GALNT7: variants seen among roughly 807,000 people sequenced by gnomAD.
GALNT7 encodes N-acetylgalactosaminyltransferase 7.
In GALNT7, 60 loss-of-function variants were observed where a neutral mutation model predicts 82.1. The observed-to-expected ratio is 0.73, with a 90% CI of 0.59 to 0.91. The LOEUF (loss-of-function observed/expected upper bound fraction) is 0.91, where lower values mean the gene tolerates loss of function less well. GALNT7 is among the 40% of genes least tolerant of loss of function. The probability of loss-of-function intolerance (pLI) is 0.00; values close to 1 mark genes in which losing one functional copy is unlikely to be tolerated. For synonymous variants in GALNT7, 243 were observed against 275.1 expected (o/e 0.88, Z 1.15); for missense variants, 660 against 804.2 (o/e 0.82, Z 2.17).
chr4:173,292,162 C>T lies in GALNT7; in HGVS notation c.642C>T (p.Val214=). Residue 214 remains valine, a synonymous_variant, in exon 3 of 12, where the codon GTC becomes GTT. Coordinates refer to ENST00000265000, the MANE Select transcript of GALNT7 (RefSeq NM_017423.3). The surrounding 1 kb of genome is among the most constrained non-coding windows in gnomAD (Gnocchi z 4.8). Reference sequence around the variant, plus strand: ...TGCTCACTTCGAGCGTTGTCATTGTCTTCCATAATGAAGGATGGTCAACCC... The same window carrying T: ...TGCTCACTTCGAGCGTTGTCATTGTTTTCCATAATGAAGGATGGTCAACCC... ...ENLLTSSVVI[V]FHNEGWSTLM... The T allele has an allele frequency of 3.1e-6, 5 of 1,607,976 alleles. No individual in the cohort carries two copies. Among genetic ancestry groups the T allele is most frequent in the Non-Finnish European group, 4.3e-6 (5 of 1,176,006 alleles).
rs11421248 is a variant in GALNT7, at chr4:173,235,556, C to CTTTTTT, written c.127-12415_127-12410dup. 8.2e-4 allele frequency among the ~76,000 whole-genome samples: 115 copies of CTTTTTT among 140,532 alleles called. No homozygotes were observed. The Middle Eastern group carries it at 0.011, about 13-fold the overall frequency. The allele number at this position is 140,532 out of a possible 152,430, so 92.2% of individuals were successfully genotyped here. On this transcript the variant is annotated intron_variant, in intron 1 of 11. Transcript: ENST00000265000. The stretch of plus-strand genomic sequence containing the variant: ...TCAAGAAAGCCTTTTCTTTTCTTTT[C>CTTTTTT]TTTTTTTTTTTTTTCTTGAGACAGA...
In GALNT7 at chr4:173,292,309, ATAAGT is replaced by A. The variant is rs780395306; in HGVS notation, c.754+40_754+44del. 2.2e-6 allele frequency: 3 copies of A among 1,344,852 alleles called. No homozygotes were observed. The highest frequency in any genetic ancestry group is 1.4e-5 in the South Asian group (1 of 73,306). The allele number at this position is 1,344,852 out of a possible 1,614,324, so 83.3% of individuals were successfully genotyped here. ...GTGAAACTCACATTTTGTCTATAAA[ATAAGT>A]TAAGCATGAATAATTGCAAAAAGGT... On this transcript the variant is annotated intron_variant, in intron 3 of 11. Coordinates refer to ENST00000265000, the MANE Select transcript of GALNT7 (RefSeq NM_017423.3). This position sits in a 1 kb window ranked among gnomAD's most constrained non-coding sequence, Gnocchi z 4.8.
At chr4:173,245,633 C>A (rs1292115539) in intron 1 of GALNT7, among the ~76,000 whole-genome samples, 1 of 152,098 alleles carries the variant, frequency 6.6e-6, no homozygotes, top group Non-Finnish European at 1.5e-5. Context: ...CAACTGGGAA[C>A]CAGTTTGTTA....
intron 1 of GALNT7, among the ~76,000 whole-genome samples, chr4:173,238,318 G>C (rs79973999): frequency 0.017 from 2,530 of 152,098 alleles, 73 homozygotes; most frequent in African/African-American, 0.056. Context: ...AATATTTTGT[G>C]TAATTTATGA....
chr4:173,281,964 A>T (rs1236615377), intron 2 of GALNT7, among the ~76,000 whole-genome samples: 1 of 152,186 alleles, frequency 6.6e-6, no homozygotes, highest in Non-Finnish European at 1.5e-5. Flanking sequence ...CATCCAAAAA[A>T]ATTAAGGAGC....
At chr4:173,247,897 A>C in intron 1 of GALNT7, 83 bp from the exon 2 acceptor site, 1 of 867,252 alleles carries the variant, frequency 1.2e-6, no homozygotes, top group Non-Finnish European at 1.8e-6. Flanking sequence ...AGCCTTTTTC[A>C]AAACCTGAAA....
intron 2 of GALNT7, among the ~76,000 whole-genome samples, chr4:173,265,220 T>C (rs1735436239): frequency 6.6e-6 from 1 of 152,290 alleles, no homozygotes; most frequent in Admixed American, 6.5e-5. Context: ...TGCTAGCATT[T>C]CCAGGATATA....
chr4:173,212,846 A>G (rs1733325969), intron 1 of GALNT7, among the ~76,000 whole-genome samples: 1 of 152,146 alleles, frequency 6.6e-6, no homozygotes, highest in African/African-American at 2.4e-5. Flanking sequence ...GACATTAAAG[A>G]GCATGATCAT....
chr4:173,298,306 T>C lies in GALNT7; in HGVS notation c.1148+9T>C. On this transcript the variant is annotated intron_variant, in intron 6 of 11. Transcript: ENST00000265000. ...AAAACTGAACCGTATCGGTAATCAC[T>C]AAATCACTTACATATTTTTCTTTTC... The C allele has an allele frequency of 6.5e-7, 1 of 1,529,344 alleles. No homozygotes were observed. Among genetic ancestry groups the C allele is most frequent in the Non-Finnish European group, 8.8e-7 (1 of 1,141,032 alleles). The allele number at this position is 1,529,344 out of a possible 1,614,324, so 94.7% of individuals were successfully genotyped here.
At position 173,302,011 on chromosome 4, in the gene GALNT7, G is replaced by C. The variant is rs1301677036; in HGVS notation, c.1149-36G>C. The C allele has an allele frequency of 1.1e-6, 1 of 951,438 alleles. No homozygotes were observed. The highest frequency in any genetic ancestry group is 1.7e-6 in the Non-Finnish European group (1 of 579,948). 58.9% of individuals were successfully genotyped at this position (951,438 alleles called of 1,614,324 possible). ...ATTGGTGAAGGGTTATTGGGGGTTT[G>C]TCTGTAATGGTTATTGCAGTGTTTC... On this transcript the variant is annotated intron_variant, in intron 6 of 11. Transcript: ENST00000265000. The surrounding 1 kb of genome is among the most constrained non-coding windows in gnomAD (Gnocchi z 4.2).
chr4:173,253,500 A>T (rs1478281563), intron 2 of GALNT7, among the ~76,000 whole-genome samples: 1 of 152,172 alleles, frequency 6.6e-6, no homozygotes, highest in Non-Finnish European at 1.5e-5. Context: ...GTTAGAGTAG[A>T]TTAGGGGGTG....
chr4:173,173,662 C>T (rs1731950172), intron 1 of GALNT7, among the ~76,000 whole-genome samples: 2 of 152,166 alleles, frequency 1.3e-5, no homozygotes, highest in Admixed American at 6.5e-5. Flanking sequence ...GTTTATGCTC[C>T]ATGACCCAGG....
intron 1 of GALNT7, among the ~76,000 whole-genome samples, chr4:173,181,754 C>T (rs186669541): frequency 9.9e-5 from 15 of 152,130 alleles, no homozygotes; most frequent in Non-Finnish European, 1.8e-4. Context: ...AAGGAACTGC[C>T]GGTATCATCC....
At chr4:173,217,604 A>T (rs1733512306) in intron 1 of GALNT7, among the ~76,000 whole-genome samples, 1 of 152,160 alleles carries the variant, frequency 6.6e-6, no homozygotes, top group South Asian at 2.1e-4. Context: ...TAATATTTCT[A>T]TTGTTTTTAA....
intron 1 of GALNT7, among the ~76,000 whole-genome samples, chr4:173,243,653 G>T (rs888033866): frequency 3.3e-5 from 5 of 152,160 alleles, no homozygotes; most frequent in Admixed American, 6.5e-5. Context: ...TTGACTTGGG[G>T]TTAGACAGAC....
intron 2 of GALNT7, among the ~76,000 whole-genome samples, chr4:173,288,453 A>C (rs958696752): frequency 6.6e-6 from 1 of 152,080 alleles, no homozygotes. Flanking sequence ...ACAAACAGCC[A>C]GCAAGACTCC....
rs11427838 is a variant in GALNT7, at chr4:173,323,127, T to TA, written c.*1423dup. ...GATTAAAATGCCTACATTGAGTGCT[T>TA]AAAAAAAAAAAAACAACTGTGATGA... is the stretch of plus-strand genomic sequence containing the variant. On this transcript the variant is annotated 3_prime_UTR_variant, in exon 12 of 12. Coordinates refer to ENST00000265000, the MANE Select transcript of GALNT7 (RefSeq NM_017423.3). 15,627 of 141,708 alleles carry TA rather than the reference T, an allele frequency of 0.11. 840 individuals are homozygous for TA. Among genetic ancestry groups the TA allele is most frequent in the African/African-American group, 0.14 (5,356 of 38,834 alleles). 8.8% of individuals were successfully genotyped at this position (141,708 alleles called of 1,614,324 possible).
chr4:173,313,885 C>CT, intron 8 of GALNT7, 73 bp from the exon 9 acceptor site: 1 of 643,286 alleles, frequency 1.6e-6, no homozygotes, highest in Non-Finnish European at 2.5e-6. Flanking sequence ...TTTCATGTGT[C>CT]TAATATAGGC....
intron 2 of GALNT7, among the ~76,000 whole-genome samples, chr4:173,252,022 G>A (rs748995415): frequency 3.3e-5 from 5 of 152,116 alleles, no homozygotes; most frequent in Admixed American, 1.3e-4. Flanking sequence ...TCAGTGTAGA[G>A]TATAACATAC....
Sources: allele counts gnomAD v4.1 joint callset (sites outside exome capture counted in the v4.1 genomes callset), GRCh38; gene constraint gnomAD v4.1.1; non-coding constraint Gnocchi (gnomAD v3.1); transcripts MANE v1.5; gene names NCBI Gene and HGNC (gene_info 2026-07-23, HGNC 2026-07-21).